Variants in DIP2C observed in about 807,000 individuals in gnomAD.
DIP2C encodes disco-interacting protein 2 homolog C.
Under a neutral mutation model 192.4 loss-of-function variants are expected in DIP2C, and 33 were observed. That is an observed-to-expected ratio of 0.17 (90% CI 0.13 to 0.23). The LOEUF (loss-of-function observed/expected upper bound fraction) is 0.23, where lower values mean the gene tolerates loss of function less well. Among genes scored for constraint, DIP2C ranks in the 10% least tolerant of loss-of-function variants. The pLI is 1.00. For missense variants in DIP2C, 1,537 were observed against 2,110.1 expected (o/e 0.73, Z 5.32); for synonymous variants, 979 against 864.1 (o/e 1.13, Z -2.33).
chr10:545,683 C>T (rs1848248049), intron 1 of DIP2C, among the ~76,000 whole-genome samples: 1 of 152,186 alleles, frequency 6.6e-6, no homozygotes, highest in African/African-American at 2.4e-5. Context: ...GTTACGGTAC[C>T]CAGCAGACTG....
chr10:613,376 C>T (rs1388307783), intron 1 of DIP2C, among the ~76,000 whole-genome samples: 4 of 152,146 alleles, frequency 2.6e-5, no homozygotes, highest in Admixed American at 1.3e-4. Flanking sequence ...TGCATCTGAG[C>T]TGAGATGTGA....
chr10:590,813 T>TCC (rs1415598342), intron 1 of DIP2C, among the ~76,000 whole-genome samples: 1 of 152,136 alleles, frequency 6.6e-6, no homozygotes, highest in African/African-American at 2.4e-5. Flanking sequence ...AGGCAGGTCG[T>TCC]CCTAAGGTCT....
chr10:689,479 CG>C lies in DIP2C; in HGVS notation c.85+14del. The C allele has an allele frequency of 1.3e-5, 15 of 1,194,360 alleles. No homozygotes were observed. Among genetic ancestry groups the C allele is most frequent in the South Asian group, 5.8e-5 (3 of 51,898 alleles). 74.0% of individuals were successfully genotyped at this position (1,194,360 alleles called of 1,614,324 possible). The stretch of plus-strand genomic sequence containing the variant: ...GGTGACAGCGCGGCCCGGCCCGGGG[CG>C]GGGGCCCGGTTACCTTCCGACAGCT... On this transcript the variant is annotated intron_variant, in intron 1 of 36. Transcript: ENST00000280886. The surrounding 1 kb of genome is among the most constrained non-coding windows in gnomAD (Gnocchi z 6.1).
chr10:286,500 T>C (rs916168880), intron 33 of DIP2C, among the ~76,000 whole-genome samples, 153 bp from the exon 34 acceptor site: 13 of 152,172 alleles, frequency 8.5e-5, no homozygotes, highest in African/African-American at 3.1e-4. Flanking sequence ...TTATGACCCA[T>C]TATACAACCA....
At chr10:641,039 A>G (rs368152327) in intron 1 of DIP2C, among the ~76,000 whole-genome samples, 6 of 152,136 alleles carry the variant, frequency 3.9e-5, no homozygotes, top group East Asian at 3.9e-4. Context: ...GCTTCATTAC[A>G]TGGCATCTGG....
At chr10:677,448 G>A (rs1017679860) in intron 1 of DIP2C, among the ~76,000 whole-genome samples, 11 of 152,176 alleles carry the variant, frequency 7.2e-5, no homozygotes, top group African/African-American at 2.7e-4. Flanking sequence ...AACAGCTTCT[G>A]AGTATCCATT....
chr10:475,968 G>A (rs1281549711), intron 2 of DIP2C, among the ~76,000 whole-genome samples: 4 of 152,186 alleles, frequency 2.6e-5, no homozygotes, highest in Non-Finnish European at 5.9e-5. Flanking sequence ...TAAGACGCAT[G>A]ACTGCAGCAT....
At chr10:503,611 T>C (rs1845399182) in intron 1 of DIP2C, among the ~76,000 whole-genome samples, 2 of 152,210 alleles carry the variant, frequency 1.3e-5, no homozygotes, top group African/African-American at 4.8e-5. Flanking sequence ...CCAAAACCAG[T>C]GGGTGCTAAC....
At position 384,007 on chromosome 10, in the gene DIP2C, ATCAC is replaced by A; in HGVS notation, c.1876+16_1876+19del. On this transcript the variant is annotated intron_variant, in intron 16 of 36. Transcript: ENST00000280886. ...CTCCACAGCCCGCCTGCCTCACGAG[ATCAC>A]ACGCTCCTCACTTACAGGGGTTCGC... The A allele has an allele frequency of 6.6e-7, 1 of 1,520,498 alleles. No homozygotes were observed. Among genetic ancestry groups the A allele is most frequent in the South Asian group, 1.3e-5 (1 of 74,550 alleles). The allele number at this position is 1,520,498 out of a possible 1,614,324, so 94.2% of individuals were successfully genotyped here. A position where few individuals can be genotyped will look rare whatever the true frequency, so the allele number is the denominator to read the frequency against.
At chr10:524,164 T>G (rs1032555042) in intron 1 of DIP2C, among the ~76,000 whole-genome samples, 2 of 152,136 alleles carry the variant, frequency 1.3e-5, no homozygotes, top group African/African-American at 4.8e-5. Flanking sequence ...TGGGGCAGCT[T>G]CTACCCCAGG....
At chr10:601,678 T>G (rs908907592) in intron 1 of DIP2C, among the ~76,000 whole-genome samples, 6 of 152,178 alleles carry the variant, frequency 3.9e-5, no homozygotes, top group African/African-American at 1.4e-4. Flanking sequence ...CGAAGGACCA[T>G]TTCAAGGTGG....
At position 651,918 on chromosome 10, in the gene DIP2C, G is replaced by C. The variant is rs938108857; in HGVS notation, c.85+37576C>G. On this transcript the variant is annotated intron_variant, in intron 1 of 36. Transcript: ENST00000280886. This position sits in a 1 kb window ranked among gnomAD's most constrained non-coding sequence, Gnocchi z 4.1. Reference sequence around the variant, plus strand: ...AGGGAGTCGGTTCCAGGACCCCATGGACACCAAATCCAGGCACACTCACGC... The same window carrying C: ...AGGGAGTCGGTTCCAGGACCCCATGCACACCAAATCCAGGCACACTCACGC... 1.7e-5 allele frequency: 3 copies of C among 173,098 alleles called. No individual in the cohort carries two copies. The highest frequency in any genetic ancestry group is 7.2e-5 in the African/African-American group (3 of 41,590). The allele number at this position is 173,098 out of a possible 1,614,324, so 10.7% of individuals were successfully genotyped here. A position where few individuals can be genotyped will look rare whatever the true frequency, so the allele number is the denominator to read the frequency against.
chr10:470,202 A>G (rs1298852608), intron 3 of DIP2C, among the ~76,000 whole-genome samples: 2 of 152,158 alleles, frequency 1.3e-5, no homozygotes, highest in East Asian at 3.8e-4. Flanking sequence ...AGATAGACAG[A>G]GTATCATGTG....
chr10:375,640 G>C (rs1961475058), intron 17 of DIP2C, among the ~76,000 whole-genome samples: 1 of 152,116 alleles, frequency 6.6e-6, no homozygotes, highest in Non-Finnish European at 1.5e-5. Flanking sequence ...ATAACACCTT[G>C]AAGTAGCAGC....
At chr10:409,323 G>A (rs926961244) in intron 8 of DIP2C, among the ~76,000 whole-genome samples, 5 of 152,100 alleles carry the variant, frequency 3.3e-5, no homozygotes, top group African/African-American at 4.8e-5. Flanking sequence ...GAGGGGGGGC[G>A]CGGACAGTGC....
chr10:566,883 T>G (rs1211815570), intron 1 of DIP2C, among the ~76,000 whole-genome samples: 1 of 152,238 alleles, frequency 6.6e-6, no homozygotes, highest in Non-Finnish European at 1.5e-5. Context: ...GTACTGCCTC[T>G]GAACCAAGGC....
chr10:546,011 C>T (rs1848268196), intron 1 of DIP2C, among the ~76,000 whole-genome samples: 1 of 152,086 alleles, frequency 6.6e-6, no homozygotes, highest in Admixed American at 6.5e-5. Context: ...GCATGGTGGG[C>T]TTATGCCTGT....
intron 1 of DIP2C, among the ~76,000 whole-genome samples, chr10:597,675 CAT>C (rs1343809568): frequency 1.3e-5 from 2 of 152,210 alleles, no homozygotes; most frequent in African/African-American, 4.8e-5. Flanking sequence ...CGTAAGAAAT[CAT>C]AAAAGTAGGC....
chr10:344,879 G>A lies in DIP2C; in HGVS notation c.3383C>T (p.Pro1128Leu). Residue 1128 changes from proline (P) to leucine (L), a missense_variant, in exon 28 of 37, where the codon CCT (proline) becomes CTT (leucine). Coordinates refer to ENST00000280886, the MANE Select transcript of DIP2C (RefSeq NM_014974.3). ...ATATGCAAGAGTGTCTGGGTTGCAA[G>A]GTTTGCAGATCTGGGCAGGCCGCTT... ...PKKRPAQICK[P>L]CNPDTLAYLD... 1 of 1,607,930 alleles carries A rather than the reference G, an allele frequency of 6.2e-7. No homozygotes were observed. The highest frequency in any genetic ancestry group is 8.5e-7 in the Non-Finnish European group (1 of 1,178,276).
Sources: allele counts gnomAD v4.1 joint callset (sites outside exome capture counted in the v4.1 genomes callset), GRCh38; gene constraint gnomAD v4.1.1; non-coding constraint Gnocchi (gnomAD v3.1); transcripts MANE v1.5; gene names NCBI Gene and HGNC (gene_info 2026-07-23, HGNC 2026-07-21).